Variants in KCNAB2 observed in about 807,000 individuals in gnomAD.
The protein encoded by KCNAB2 is voltage-gated potassium channel subunit beta-2.
Under a neutral mutation model 63.6 loss-of-function variants are expected in KCNAB2, and 29 were observed. The ratio of observed to expected loss-of-function variants is 0.46; its 90% CI spans 0.34 to 0.62. The LOEUF (loss-of-function observed/expected upper bound fraction) is 0.62, where lower values mean the gene tolerates loss of function less well. Among genes scored for constraint, KCNAB2 ranks in the 20% least tolerant of loss-of-function variants. KCNAB2 has a pLI of 0.01. For synonymous variants in KCNAB2, 222 were observed against 224.2 expected, an observed-to-expected ratio of 0.99 and a Z score of 0.09; for missense variants, 359 against 563.9, an observed-to-expected ratio of 0.64 and a Z score of 3.68.
chr1:6,051,344 G>T (rs997669316), intron 1 of KCNAB2, among the ~76,000 whole-genome samples, 167 bp from the exon 2 acceptor site: 18 of 152,360 alleles, frequency 1.2e-4, no homozygotes, highest in Admixed American at 8.5e-4. Flanking sequence ...CTCATGCCAA[G>T]AGGTGTTTAC....
At chr1:6,077,709 G>A (rs532594990) in intron 4 of KCNAB2, among the ~76,000 whole-genome samples, 1 of 152,196 alleles carries the variant, frequency 6.6e-6, no homozygotes, top group Non-Finnish European at 1.5e-5. Context: ...GAGGCCTCCC[G>A]GTGGGCAGAG....
At chr1:6,022,094 G>T (rs115265892) in intron 1 of KCNAB2, among the ~76,000 whole-genome samples, 1 of 152,116 alleles carries the variant, frequency 6.6e-6, no homozygotes, top group African/African-American at 2.4e-5. Context: ...GTACAGTTCA[G>T]TGGTATTAGG....
chr1:6,089,272 C>T (rs1664976689), intron 8 of KCNAB2, among the ~76,000 whole-genome samples: 2 of 152,240 alleles, frequency 1.3e-5, no homozygotes, highest in Admixed American at 1.3e-4. Context: ...AGACCACAGA[C>T]CAGCCTGGGT....
rs1230855670 is a variant in KCNAB2, at chr1:6,024,994, G to T, written c.-52-15523G>T. ...AAGGCCCAGAGCTGGCTCAACATGG[G>T]TTGCTGTCCCCCAGCTCTCCGTCAT... On this transcript the variant is annotated intron_variant, in intron 1 of 16. Transcript: ENST00000341524. The surrounding 1 kb of genome is among the most constrained non-coding windows in gnomAD (Gnocchi z 5.4). Among the ~76,000 whole-genome samples the T allele has an allele frequency of 6.6e-6, 1 of 152,150 alleles. No homozygotes were observed. Among genetic ancestry groups the T allele is most frequent in the Admixed American group, 6.5e-5 (1 of 15,284 alleles).
chr1:6,067,741 A>C (rs1174158549), intron 2 of KCNAB2, among the ~76,000 whole-genome samples: 5 of 152,212 alleles, frequency 3.3e-5, no homozygotes, highest in Non-Finnish European at 7.3e-5. Flanking sequence ...TCAAAAGCTA[A>C]AATTAGAGCC....
intron 1 of KCNAB2, among the ~76,000 whole-genome samples, chr1:6,037,497 G>A (rs1030588193): frequency 2.0e-5 from 3 of 152,190 alleles, no homozygotes; most frequent in Non-Finnish European, 2.9e-5. Context: ...TCCTGTCCAC[G>A]TCCCTCAGCT....
At chr1:6,050,777 T>G (rs1661314980) in intron 1 of KCNAB2, among the ~76,000 whole-genome samples, 2 of 152,374 alleles carry the variant, frequency 1.3e-5, no homozygotes, top group East Asian at 3.9e-4. Flanking sequence ...CTGTCCCAAC[T>G]AAGCCTATTT....
chr1:6,015,344 T>C (rs879144892), intron 1 of KCNAB2, among the ~76,000 whole-genome samples: 14 of 152,206 alleles, frequency 9.2e-5, no homozygotes, highest in African/African-American at 3.4e-4. Flanking sequence ...CTTCCTTTTT[T>C]AATGTGTCAG....
intron 12 of KCNAB2, 22 bp downstream of exon 12, chr1:6,095,465 G>GCGCC: frequency 2.6e-5 from 42 of 1,585,620 alleles, no homozygotes; most frequent in Non-Finnish European, 3.4e-5. Flanking sequence ...CGGGCCCCTC[G>GCGCC]CCCCGCCCCA....
intron 10 of KCNAB2, among the ~76,000 whole-genome samples, 169 bp from the exon 11 acceptor site, chr1:6,094,231 A>G (rs1323306264): frequency 6.6e-6 from 1 of 152,128 alleles, no homozygotes; most frequent in Non-Finnish European, 1.5e-5. Flanking sequence ...TTCATCCCAA[A>G]AAACCCCTCC....
rs981334504 is a variant in KCNAB2, at chr1:6,078,487, G to C, written c.301-3708G>C. Among the ~76,000 whole-genome samples, 1 of 152,118 alleles carries C rather than the reference G, an allele frequency of 6.6e-6. No individual in the cohort carries two copies. Among genetic ancestry groups the C allele is most frequent in the Non-Finnish European group, 1.5e-5 (1 of 68,018 alleles). ...GACAGGGTGGTCAGGAAGCAGAAGCGAGCAAGGACGCCACGTGGTGGTCCA... is the reference window on the plus strand; with the variant it reads ...GACAGGGTGGTCAGGAAGCAGAAGCCAGCAAGGACGCCACGTGGTGGTCCA... On this transcript the variant is annotated intron_variant, in intron 4 of 15. Transcript: ENST00000378083. This position sits in a 1 kb window ranked among gnomAD's most constrained non-coding sequence, Gnocchi z 4.2.
At chr1:6,040,950 G>A (rs1056095947), upstream of KCNAB2, among the ~76,000 whole-genome samples, 12 of 152,344 alleles carry the variant, frequency 7.9e-5, no homozygotes, top group Admixed American at 3.9e-4. Context: ...CAGAGCGGCC[G>A]GACAGTGAGT....
At chr1:6,031,620 C>T (rs1659628962), upstream of KCNAB2, among the ~76,000 whole-genome samples, 1 of 152,088 alleles carries the variant, frequency 6.6e-6, no homozygotes, top group Admixed American at 6.5e-5. This position sits in a 1 kb window ranked among gnomAD's most constrained non-coding sequence, Gnocchi z 4.1. Context: ...GGTGCAGTGG[C>T]TCACGCCTGT....
At position 6,100,950 on chromosome 1, in the gene KCNAB2, T is replaced by A. The variant is rs1665990382; in HGVS notation, c.*2376T>A. ...CTCAGCTTTGTGCTCAGATCCCAGG[T>A]CCCAAGGAGTGACAGGGGCTTCCTC... On this transcript the variant is annotated 3_prime_UTR_variant, in exon 16 of 16. Coordinates refer to ENST00000378083, the MANE Select transcript of KCNAB2 (RefSeq NM_001199862.2). 6.6e-6 allele frequency: 1 copy of A among 152,204 alleles called. No homozygotes were observed. The highest frequency in any genetic ancestry group is 6.5e-5 in the Admixed American group (1 of 15,294). The allele number at this position is 152,204 out of a possible 1,614,324, so 9.4% of individuals were successfully genotyped here.
rs567924471 is a variant in KCNAB2 at position 6,013,437 on chromosome 1, T to C, written c.-53+20649T>C. 3.3e-4 allele frequency among the ~76,000 whole-genome samples: 50 copies of C among 152,202 alleles called. 1 individual carries two copies. Among genetic ancestry groups the C allele is most frequent in the Non-Finnish European group, 5.7e-4 (39 of 67,996 alleles). ...GAGGGATCTGAGTCTGCAAAGGCCC[T>C]GGGCACAAAAGAAACAACCACGCAA... On this transcript the variant is annotated intron_variant, in intron 1 of 16. Transcript: ENST00000341524.
At chr1:6,015,177 G>A (rs1006102384) in intron 1 of KCNAB2, among the ~76,000 whole-genome samples, 1 of 151,972 alleles carries the variant, frequency 6.6e-6, no homozygotes, top group Non-Finnish European at 1.5e-5. Context: ...GACTACAGGT[G>A]CCCGCCACCA....
At position 6,086,026 on chromosome 1, in the gene KCNAB2, C is replaced by T. The variant is rs945757543; in HGVS notation, c.425+778C>T. The T allele has an allele frequency of 3.1e-5, 31 of 985,352 alleles. No homozygotes were observed. In the African/African-American group the frequency reaches 5.4e-4, roughly 17 times the overall value. 61.0% of individuals were successfully genotyped at this position (985,352 alleles called of 1,614,324 possible). A position where few individuals can be genotyped will look rare whatever the true frequency, so the allele number is the denominator to read the frequency against. ...GCCCTTCCCAGGCCAAGGTCCTCAC[C>T]CACCTTGGGACCAACTGGGCTGAGC... On this transcript the variant is annotated intron_variant, in intron 6 of 15. Transcript: ENST00000378083. The surrounding 1 kb of genome is among the most constrained non-coding windows in gnomAD (Gnocchi z 4.2).
Position 6,095,898 on chromosome 1 carries a change from C to T in KCNAB2, c.948+274C>T, listed in dbSNP as rs1665588629. Among the ~76,000 whole-genome samples the T allele has an allele frequency of 3.1e-5, 4 of 130,880 alleles. 1 individual carries two copies. In the Admixed American group the frequency reaches 3.1e-4, roughly 10 times the overall value. The allele number at this position is 130,880 out of a possible 152,430, so 85.9% of individuals were successfully genotyped here. A position where few individuals can be genotyped will look rare whatever the true frequency, so the allele number is the denominator to read the frequency against. On this transcript the variant is annotated intron_variant, in intron 13 of 15. Coordinates refer to ENST00000378083, the MANE Select transcript of KCNAB2 (RefSeq NM_001199862.2). ...CTGCCCCCACCACATCCCCCCATCT[C>T]TACCCCCTACCACATCCCCCACCTC... is the stretch of plus-strand genomic sequence containing the variant.
At chr1:6,047,889 G>T (rs1417749370) in intron 1 of KCNAB2, among the ~76,000 whole-genome samples, 8 of 152,226 alleles carry the variant, frequency 5.3e-5, no homozygotes, top group Non-Finnish European at 1.2e-4. Flanking sequence ...CCCAAGCCCT[G>T]CCCTGGCACC....
Sources: gnomAD v4.1 joint callset for allele counts (sites outside exome capture counted in the v4.1 genomes callset) on GRCh38, gnomAD v4.1.1 for gene constraint, Gnocchi (gnomAD v3.1) non-coding constraint, MANE v1.5 for transcripts, NCBI Gene and HGNC (gene_info 2026-07-23, HGNC 2026-07-21) for gene names.